Variants in NELL1 observed in about 807,000 individuals in gnomAD.
NELL1 encodes neural EGFL like 1.
A neutral mutation model predicts 107.4 loss-of-function variants in NELL1; 76 were observed. The observed-to-expected ratio is 0.71, with a 90% confidence interval of 0.59 to 0.86. The LOEUF (loss-of-function observed/expected upper bound fraction) is 0.86, where lower values mean the gene tolerates loss of function less well. NELL1 is among the 40% of genes least tolerant of loss of function. NELL1 has a pLI of 0.00. For missense variants in NELL1, 1,024 were observed against 1,005.5 expected, an observed-to-expected ratio of 1.02 and a Z score of -0.25; for synonymous variants, 353 against 341.2, an observed-to-expected ratio of 1.03 and a Z score of -0.38.
At chr11:20,958,348 G>A (rs1914244) in intron 11 of NELL1, among the ~76,000 whole-genome samples, 32,570 of 151,958 alleles carry the variant, frequency 0.21, 3,788 homozygotes, top group East Asian at 0.34. Context: ...ATGAGGCCGA[G>A]GCTGCAAAGA....
chr11:21,476,476 T>G (rs1854335705), intron 15 of NELL1, among the ~76,000 whole-genome samples: 1 of 152,166 alleles, frequency 6.6e-6, no homozygotes, highest in South Asian at 2.1e-4. Flanking sequence ...TAATTATCTT[T>G]TTATGATAAT....
At chr11:21,044,071 G>T (rs530155101) in intron 12 of NELL1, among the ~76,000 whole-genome samples, 1 of 152,250 alleles carries the variant, frequency 6.6e-6, no homozygotes, top group African/African-American at 2.4e-5. Flanking sequence ...CTTGAGATTG[G>T]CAGAGAGAAT....
At chr11:21,459,667 A>G (rs900687641) in intron 15 of NELL1, among the ~76,000 whole-genome samples, 8 of 152,258 alleles carry the variant, frequency 5.3e-5, no homozygotes, top group Admixed American at 4.6e-4. Flanking sequence ...AATCATTCCT[A>G]TGATGACAGA....
At chr11:20,905,303 A>G (rs1275008800) in intron 5 of NELL1, among the ~76,000 whole-genome samples, 5 of 152,172 alleles carry the variant, frequency 3.3e-5, no homozygotes, top group African/African-American at 1.2e-4. Flanking sequence ...AAACCCCAGT[A>G]AAGGGGCAGA....
chr11:21,221,593 T>C (rs1262614123), intron 13 of NELL1, among the ~76,000 whole-genome samples: 2 of 152,186 alleles, frequency 1.3e-5, no homozygotes, highest in African/African-American at 2.4e-5. Context: ...TCCTATTTCT[T>C]TCTGCTTTAA....
rs1288954917 is a variant in NELL1, at chr11:20,721,200, GTATATATATATTTTGTT to G, written c.184+43169_184+43185del. On this transcript the variant is annotated intron_variant, in intron 2 of 19. Transcript: ENST00000357134. ...TTTTGTGTATATATATATATATAGTGTATATATATATTTTGTTTATATATATATTTTGTTTATATATA... is the reference window on the plus strand; with the variant it reads ...TTTTGTGTATATATATATATATAGTGTATATATATATTTTGTTTATATATA... 3.5e-3 allele frequency among the ~76,000 whole-genome samples: 368 copies of G among 106,052 alleles called. 1 individual carries two copies. Among genetic ancestry groups the G allele is most frequent in the African/African-American group, 0.022 (348 of 16,082 alleles). 69.6% of individuals were successfully genotyped at this position (106,052 alleles called of 152,430 possible).
At chr11:21,429,842 C>T (rs1365139152) in intron 15 of NELL1, among the ~76,000 whole-genome samples, 3 of 152,102 alleles carry the variant, frequency 2.0e-5, no homozygotes. Context: ...GCCAGGAACA[C>T]TAAAACCTCA....
At chr11:21,100,474 C>T (rs1854777692) in intron 12 of NELL1, among the ~76,000 whole-genome samples, 1 of 152,218 alleles carries the variant, frequency 6.6e-6, no homozygotes, top group African/African-American at 2.4e-5. Context: ...CCCTTCAGCT[C>T]TTGAAATCTC....
chr11:21,188,073 T>A (rs1477121957), intron 13 of NELL1, among the ~76,000 whole-genome samples: 1 of 151,922 alleles, frequency 6.6e-6, no homozygotes, highest in Non-Finnish European at 1.5e-5. Flanking sequence ...CCCTTTACTT[T>A]TAGAACTGAT....
At chr11:20,964,224 A>AT (rs1209032191) in intron 12 of NELL1, among the ~76,000 whole-genome samples, 2 of 152,086 alleles carry the variant, frequency 1.3e-5, no homozygotes, top group African/African-American at 4.8e-5. Flanking sequence ...TTTCTGATGC[A>AT]TTAGGAGTAG....
chr11:21,292,799 G>T (rs973470234), intron 14 of NELL1, among the ~76,000 whole-genome samples: 1 of 152,144 alleles, frequency 6.6e-6, no homozygotes, highest in Non-Finnish European at 1.5e-5. Context: ...ACAACCATCT[G>T]ATTTTTGACA....
chr11:20,721,643 A>G (rs1855391010), intron 2 of NELL1, among the ~76,000 whole-genome samples: 1 of 152,200 alleles, frequency 6.6e-6, no homozygotes, highest in Non-Finnish European at 1.5e-5. Flanking sequence ...ATTCTCCTCT[A>G]GGGAGGGGCA....
chr11:20,681,915 A>G (rs76697207), intron 2 of NELL1, among the ~76,000 whole-genome samples: 6,609 of 152,056 alleles, frequency 0.043, 513 homozygotes, highest in African/African-American at 0.15. Flanking sequence ...TCATCATATT[A>G]TCTTCTCTGA....
intron 5 of NELL1, among the ~76,000 whole-genome samples, chr11:20,909,328 A>AAAAAC (rs1850073962): frequency 2.0e-5 from 3 of 152,204 alleles, no homozygotes; most frequent in South Asian, 2.1e-4. Flanking sequence ...AAAATTTTAA[A>AAAAAC]AAAACAAAAC....
intron 15 of NELL1, among the ~76,000 whole-genome samples, chr11:21,433,000 T>C (rs999838869): frequency 4.6e-5 from 7 of 152,280 alleles, no homozygotes; most frequent in Admixed American, 2.6e-4. Flanking sequence ...AACCAACCTC[T>C]GCCTATCCTT....
chr11:21,001,854 A>AGT (rs1437848307), intron 12 of NELL1, among the ~76,000 whole-genome samples: 54 of 149,730 alleles, frequency 3.6e-4, no homozygotes, highest in African/African-American at 1.3e-3. Context: ...ACTGTTCACT[A>AGT]TCTGACTCAC....
chr11:21,356,441 T>C (rs1850935192), intron 14 of NELL1, among the ~76,000 whole-genome samples: 2 of 152,144 alleles, frequency 1.3e-5, no homozygotes, highest in Admixed American at 6.6e-5. Context: ...ATCTCTGGTT[T>C]CTGCTCACCA....
At chr11:21,298,846 G>C (rs1849431266) in intron 14 of NELL1, among the ~76,000 whole-genome samples, 1 of 151,918 alleles carries the variant, frequency 6.6e-6, no homozygotes, top group East Asian at 1.9e-4. Context: ...TCTTCTACCT[G>C]ATACTTTCCT....
chr11:21,339,033 A>C (rs1240804950), intron 14 of NELL1, among the ~76,000 whole-genome samples: 1 of 152,208 alleles, frequency 6.6e-6, no homozygotes, highest in Non-Finnish European at 1.5e-5. Flanking sequence ...ATAATTAATC[A>C]GCGCTGAATC....
Sources: allele counts gnomAD v4.1 joint callset (sites outside exome capture counted in the v4.1 genomes callset), GRCh38; gene constraint gnomAD v4.1.1; transcripts MANE v1.5; gene names NCBI Gene and HGNC (gene_info 2026-07-23, HGNC 2026-07-21).